Variants in DDX39A observed in about 807,000 individuals in gnomAD.
The protein encoded by DDX39A is ATP-dependent RNA helicase DDX39A.
A neutral mutation model predicts 46.3 loss-of-function variants in DDX39A; 13 were observed. The ratio of observed to expected loss-of-function variants is 0.28; its 90% confidence interval spans 0.18 to 0.45. The LOEUF (loss-of-function observed/expected upper bound fraction) is 0.45. Among genes scored for constraint, DDX39A ranks in the 20% least tolerant of loss-of-function variants. The probability of loss-of-function intolerance (pLI) is 1.00; values close to 1 mark genes in which losing one functional copy is unlikely to be tolerated. For missense variants in DDX39A, 352 were observed against 581.8 expected, an observed-to-expected ratio of 0.61 and a Z score of 4.06; for synonymous variants, 234 against 224.6, an observed-to-expected ratio of 1.04 and a Z score of -0.38.
Position 14,410,820 on chromosome 19 carries a change from C to T in DDX39A, c.613+169G>A, listed in dbSNP as rs1047216498. The T allele has an allele frequency of 4.0e-5, 26 of 646,194 alleles. No individual in the cohort carries two copies. In the African/African-American group the frequency reaches 4.1e-4, roughly 10 times the overall value. 40.0% of individuals were successfully genotyped at this position (646,194 alleles called of 1,614,324 possible). A position where few individuals can be genotyped will look rare whatever the true frequency, so the allele number is the denominator to read the frequency against. ...TTGGGCCCCGTGGTCCCATTCGGCT[C>T]GGGCTCAGAAACAGCACATCCCTCT... On this transcript the variant is annotated intron_variant, in intron 5 of 10. Coordinates refer to ENST00000242776, the MANE Select transcript of DDX39A (RefSeq NM_005804.4). The surrounding 1 kb of genome is among the most constrained non-coding windows in gnomAD (Gnocchi z 4.3).
At chr19:14,413,374 C>T in intron 1 of DDX39A, 150 bp from the exon 2 acceptor site, 2 of 683,068 alleles carry the variant, frequency 2.9e-6, no homozygotes, top group Non-Finnish European at 4.9e-6. Context: ...TCTCCACCTC[C>T]CCACCCCCAA....
At chr19:14,418,815 G>A (rs1384095892) in intron 1 of DDX39A, 1 of 421,908 alleles carries the variant, frequency 2.4e-6, no homozygotes, top group Non-Finnish European at 4.7e-6. Flanking sequence ...CCCGTAAAAA[G>A]TAGACCAAGA....
rs369868129 is a variant in DDX39A at position 14,411,495 on chromosome 19, G to A, written c.429+11C>T. On this transcript the variant is annotated intron_variant, in intron 4 of 10. Coordinates refer to ENST00000242776, the MANE Select transcript of DDX39A (RefSeq NM_005804.4). The surrounding 1 kb of genome is among the most constrained non-coding windows in gnomAD (Gnocchi z 4.1). ...AGTGGCGCCTGGTCCAGTCTGGCCC[G>A]AGGGACTCACCTTGACGCTGGGCAT... 5.0e-5 allele frequency: 80 copies of A among 1,612,656 alleles called. No individual in the cohort carries two copies. The highest frequency in any genetic ancestry group is 8.0e-5 in the African/African-American group (6 of 74,916).
At chr19:14,417,583 AT>A (rs1328848663) in intron 1 of DDX39A, among the ~76,000 whole-genome samples, 1 of 152,202 alleles carries the variant, frequency 6.6e-6, no homozygotes, top group East Asian at 1.9e-4. Context: ...ATGTATACAT[AT>A]GTAACAAACC....
chr19:14,418,808 G>T, intron 1 of DDX39A: 1 of 415,538 alleles, frequency 2.4e-6, no homozygotes, highest in Non-Finnish European at 4.7e-6. Flanking sequence ...CCCGAATCCC[G>T]TAAAAAGTAG....
Position 14,413,259 on chromosome 19 carries a change from G to T in DDX39A, c.-4-35C>A, listed in dbSNP as rs749479082. 7 of 1,573,700 alleles carry T rather than the reference G, an allele frequency of 4.4e-6. No individual in the cohort carries two copies. The East Asian group carries it at 6.7e-5, about 15-fold the overall frequency. On this transcript the variant is annotated intron_variant, in intron 1 of 10. Transcript: ENST00000242776. ...GAGAGAGGCAGGGTCCCGCGAGTGG[G>T]CACAGAAGGATGATGAAGCTTCATT...
At chr19:14,417,997 C>T (rs1157270328) in intron 1 of DDX39A, among the ~76,000 whole-genome samples, 2 of 151,758 alleles carry the variant, frequency 1.3e-5, no homozygotes, top group Non-Finnish European at 2.9e-5. Flanking sequence ...GGTGAAACCC[C>T]GTCTCTACTA....
chr19:14,410,660 G>T lies in DDX39A; in HGVS notation c.614-326C>A. On this transcript the variant is annotated intron_variant, in intron 5 of 10. Transcript: ENST00000242776. The surrounding 1 kb of genome is among the most constrained non-coding windows in gnomAD (Gnocchi z 4.3). ...GCTGCAGCTGCCTCCCAGGACACAA[G>T]CCCATCTCCCACCGGCCCTGTCGGG... The T allele has an allele frequency of 1.9e-6, 1 of 519,312 alleles. No individual in the cohort carries two copies. Among genetic ancestry groups the T allele is most frequent in the Non-Finnish European group, 3.5e-6 (1 of 284,612 alleles). 32.2% of individuals were successfully genotyped at this position (519,312 alleles called of 1,614,324 possible). A position where few individuals can be genotyped will look rare whatever the true frequency, so the allele number is the denominator to read the frequency against.
In DDX39A at chr19:14,409,099, A is replaced by G. The variant is rs1308918930; in HGVS notation, c.1205T>C (p.Val402Ala). Residue 402 changes from valine to alanine, a missense_variant, in exon 10 of 11, where the codon GTC becomes GCC. By Grantham distance (64) the Val-to-Ala change is moderately conservative (BLOSUM62 0). Coordinates refer to ENST00000242776, the MANE Select transcript of DDX39A (RefSeq NM_005804.4). The surrounding 1 kb of genome is among the most constrained non-coding windows in gnomAD (Gnocchi z 8.3). Reference protein sequence around the residue: ...DENDAKILNDVQDRFEVNVAE... With the variant: ...DENDAKILNDAQDRFEVNVAE... ...CACATTAACTTCAAACCGGTCCTGG[A>G]CGTCATTGAGGATTTTGGCATCATT... 6.2e-7 allele frequency: 1 copy of G among 1,614,206 alleles called. No individual in the cohort carries two copies. Among genetic ancestry groups the G allele is most frequent in the Non-Finnish European group, 8.5e-7 (1 of 1,180,032 alleles).
chr19:14,413,318 T>A, intron 1 of DDX39A, 94 bp from the exon 2 acceptor site: 1 of 1,162,754 alleles, frequency 8.6e-7, no homozygotes, highest in South Asian at 1.5e-5. Flanking sequence ...CTTCCATGAG[T>A]GAGCCCATCA....
chr19:14,414,537 G>A (rs889226633), intron 1 of DDX39A, among the ~76,000 whole-genome samples: 11 of 149,768 alleles, frequency 7.3e-5, no homozygotes, highest in African/African-American at 2.7e-4. Flanking sequence ...TTTTCGTAGA[G>A]ACAGGGTTTC....
At chr19:14,413,980 C>T (rs1019238965) in intron 1 of DDX39A, 1 of 152,322 alleles carries the variant, frequency 6.6e-6, no homozygotes, top group East Asian at 1.9e-4. Context: ...GTCTGCCTAC[C>T]TCTTTGCTTT....
Position 14,409,038 on chromosome 19 carries a change from G to A in DDX39A, c.1266C>T (p.Tyr422=). The A allele has an allele frequency of 6.2e-7, 1 of 1,614,228 alleles. No individual in the cohort carries two copies. The highest frequency in any genetic ancestry group is 8.5e-7 in the Non-Finnish European group (1 of 1,180,046). ...CCTGGCCCTGCCCAAGGCACTTACT[G>A]TATGTGGAGATGTCGATTTCCTCTG... The part of the protein sequence containing the change: ...ELPEEIDIST[Y]IEQSR Residue 422 remains tyrosine, a splice_region_variant and synonymous_variant, in exon 10 of 11, where the codon TAC becomes TAT. Transcript: ENST00000242776. The surrounding 1 kb of genome is among the most constrained non-coding windows in gnomAD (Gnocchi z 8.3).
chr19:14,419,130 T>A (rs1426256010), intron 1 of DDX39A, 140 bp downstream of exon 1: 1 of 372,954 alleles, frequency 2.7e-6, no homozygotes, highest in South Asian at 1.9e-5. Context: ...CACAGCGCTC[T>A]GACACACCAA....
rs780768591 is a variant in DDX39A at position 14,409,930 on chromosome 19, T to C, written c.733-57A>G. The C allele has an allele frequency of 1.2e-6, 2 of 1,605,518 alleles. No individual in the cohort carries two copies. Among genetic ancestry groups the C allele is most frequent in the African/African-American group, 2.7e-5 (2 of 74,882 alleles). On this transcript the variant is annotated intron_variant, in intron 6 of 10. Coordinates refer to ENST00000242776, the MANE Select transcript of DDX39A (RefSeq NM_005804.4). This position sits in a 1 kb window ranked among gnomAD's most constrained non-coding sequence, Gnocchi z 8.3. ...AGGGATCACCTCTGGGCATCTCGCC[T>C]GCCCAGAACCTTCCAGTGGGCGACT...
intron 1 of DDX39A, among the ~76,000 whole-genome samples, chr19:14,418,624 A>AT (rs533981451): frequency 3.1e-4 from 46 of 150,434 alleles, no homozygotes; most frequent in Middle Eastern, 3.4e-3. Flanking sequence ...CGCTCGGCTG[A>AT]TTTTTTTTTG....
At position 14,409,991 on chromosome 19, in the gene DDX39A, C is replaced by T. The variant is rs777036265; in HGVS notation, c.733-118G>A. ...ACACTTCCCAGAGGACCTGCTGCACCAGACCTCAGTAAACATCGCTCAAAA... is the reference window on the plus strand; with the variant it reads ...ACACTTCCCAGAGGACCTGCTGCACTAGACCTCAGTAAACATCGCTCAAAA... On this transcript the variant is annotated intron_variant, in intron 6 of 10. Coordinates refer to ENST00000242776, the MANE Select transcript of DDX39A (RefSeq NM_005804.4). This position sits in a 1 kb window ranked among gnomAD's most constrained non-coding sequence, Gnocchi z 8.3. 1.5e-6 allele frequency: 2 copies of T among 1,330,352 alleles called. No individual in the cohort carries two copies. The highest frequency in any genetic ancestry group is 2.3e-5 in the East Asian group (1 of 43,578). 82.4% of individuals were successfully genotyped at this position (1,330,352 alleles called of 1,614,324 possible).
intron 1 of DDX39A, chr19:14,418,829 A>G (rs1976926422): frequency 4.6e-6 from 2 of 438,978 alleles, no homozygotes; most frequent in East Asian, 7.1e-5. Context: ...ACCAAGAAGA[A>G]GGTAGACTGG....
intron 1 of DDX39A, 104 bp downstream of exon 1, chr19:14,419,166 C>T (rs1309275187): frequency 2.9e-6 from 1 of 349,946 alleles, no homozygotes. Flanking sequence ...CGTCTCGCGA[C>T]CCTTTCTCCC....
Sources: gnomAD v4.1 joint callset for allele counts (sites outside exome capture counted in the v4.1 genomes callset) on GRCh38, gnomAD v4.1.1 for gene constraint, Gnocchi (gnomAD v3.1) non-coding constraint, MANE v1.5 for transcripts, NCBI Gene and HGNC (gene_info 2026-07-23, HGNC 2026-07-21) for gene names.